The following NOS3 variants were observed in gnomAD, a reference collection of about 807,000 sequenced individuals.
The protein encoded by NOS3 is nitric oxide synthase 3.
NOS3 carries 98 observed loss-of-function variants against 144.9 expected under a neutral mutation model. The observed-to-expected ratio is 0.68, with a 90% CI of 0.57 to 0.80. NOS3 has a LOEUF of 0.80. Among genes scored for constraint, NOS3 ranks in the 30% least tolerant of loss-of-function variants. NOS3 has a pLI of 0.00. For synonymous variants in NOS3, 714 were observed against 702.4 expected, an observed-to-expected ratio of 1.02 and a Z score of -0.26; for missense variants, 1,465 against 1,656.4, an observed-to-expected ratio of 0.88 and a Z score of 2.01.
chr7:151,001,569 C>G lies in NOS3; in HGVS notation c.1454C>G (p.Ala485Gly). 2.5e-6 allele frequency: 4 copies of G among 1,614,014 alleles called. No individual in the cohort carries two copies. The highest frequency in any genetic ancestry group is 3.4e-6 in the Non-Finnish European group (4 of 1,180,010). ...CCAGACCCCTGGAAGGGGAGTGCCG[C>G]CAAGGGCACCGGCATCACCAGGAAG... Reference protein sequence around the residue: ...YQPDPWKGSAAKGTGITRKKT... With the variant: ...YQPDPWKGSAGKGTGITRKKT... Residue 485 changes from alanine (A) to glycine (G), a missense_variant, in exon 12 of 27, where the codon GCC becomes GGC. Transcript: ENST00000297494.
In NOS3 at chr7:151,009,482, G is replaced by T. The variant is rs746131743; in HGVS notation, c.2409G>T (p.Pro803=). ...CGGGGGACCACATAGGTGTCTGCCC[G>T]CCCAACCGGCCCGGCCTTGTGGAGG... is the stretch of plus-strand genomic sequence containing the variant. ...YQPGDHIGVC[P]PNRPGLVEAL... The change falls in exon 20 of 27, where the codon CCG becomes CCT. Residue 803 remains proline, a synonymous_variant. Coordinates refer to ENST00000297494, the MANE Select transcript of NOS3 (RefSeq NM_000603.5). The T allele has an allele frequency of 1.3e-6, 2 of 1,548,128 alleles. No homozygotes were observed. Among genetic ancestry groups the T allele is most frequent in the Non-Finnish European group, 1.7e-6 (2 of 1,146,724 alleles).
chr7:151,001,572 A>G lies in NOS3; in HGVS notation c.1457A>G (p.Lys486Arg), dbSNP rs1212951630. 1.2e-6 allele frequency: 2 copies of G among 1,613,890 alleles called. No individual in the cohort carries two copies. The highest frequency in any genetic ancestry group is 1.7e-6 in the Non-Finnish European group (2 of 1,180,024). ...QPDPWKGSAA[K>R]GTGITRKKTF... Reference sequence around the variant, plus strand: ...GACCCCTGGAAGGGGAGTGCCGCCAAGGGCACCGGCATCACCAGGAAGAAG... The same window carrying G: ...GACCCCTGGAAGGGGAGTGCCGCCAGGGGCACCGGCATCACCAGGAAGAAG... The change falls in exon 12 of 27, where the codon AAG becomes AGG. Residue 486 changes from lysine to arginine, a missense_variant. Around this residue, in one of 5 missense-constraint regions of NOS3, gnomAD observed 745 missense variants for 853.9 expected, o/e 0.87. Transcript: ENST00000297494.
chr7:150,996,472 C>T lies in NOS3; in HGVS notation c.339C>T (p.Pro113=), dbSNP rs1231949719. The change falls in exon 4 of 27, where the codon CCC becomes CCT. Residue 113 remains proline (P), a synonymous_variant. Coordinates refer to ENST00000297494, the MANE Select transcript of NOS3 (RefSeq NM_000603.5). ...LVFPRKLQGR[P]SPGPPAPEQL... ...TTCCACGGAAACTACAGGGCCGGCC[C>T]TCCCCCGGCCCCCCGGCCCCTGAGC... 5 of 1,593,768 alleles carry T rather than the reference C, an allele frequency of 3.1e-6. No homozygotes were observed. Among genetic ancestry groups the T allele is most frequent in the Non-Finnish European group, 4.3e-6 (5 of 1,170,940 alleles).
chr7:151,010,108 TC>T lies in NOS3; in HGVS notation c.2513-3del. 6.3e-7 allele frequency: 1 copy of T among 1,575,638 alleles called. No individual in the cohort carries two copies. Among genetic ancestry groups the T allele is most frequent in the Non-Finnish European group, 8.7e-7 (1 of 1,149,232 alleles). On this transcript the variant is annotated splice_region_variant and splice_polypyrimidine_tract_variant and intron_variant, in intron 20 of 26. Coordinates refer to ENST00000297494, the MANE Select transcript of NOS3 (RefSeq NM_000603.5). The stretch of plus-strand genomic sequence containing the variant: ...TGTCCTCAGAGCTCCCTGTGCACTA[TC>T]CCCAGGTGGCCCTCCCCCCGGCTGG...
rs1410459391 is a variant in NOS3 at position 150,999,839 on chromosome 7, G to T, written c.1131+475G>T. Among the ~76,000 whole-genome samples, 15 of 134,848 alleles carry T rather than the reference G, an allele frequency of 1.1e-4. No individual in the cohort carries two copies. The East Asian group carries it at 3.3e-3, about 30-fold the overall frequency. 88.5% of individuals were successfully genotyped at this position (134,848 alleles called of 152,430 possible). On this transcript the variant is annotated intron_variant, in intron 9 of 26. Coordinates refer to ENST00000297494, the MANE Select transcript of NOS3 (RefSeq NM_000603.5). Reference sequence around the variant, plus strand: ...GTGTGGGTTTGTGGGGTGTGTAGGGGTGAGTGTGTGTGAGTTTGTAGGGGT... The same window carrying T: ...GTGTGGGTTTGTGGGGTGTGTAGGGTTGAGTGTGTGTGAGTTTGTAGGGGT...
intron 2 of NOS3, among the ~76,000 whole-genome samples, chr7:150,994,739 T>C (rs1000071234): frequency 6.6e-6 from 1 of 152,132 alleles, no homozygotes; most frequent in African/African-American, 2.4e-5. Context: ...CTGGTGGCTC[T>C]GGGAGGAAGT....
At chr7:151,007,033 C>T (rs755778857) in intron 16 of NOS3, 28 bp downstream of exon 16, 66 of 1,613,568 alleles carry the variant, frequency 4.1e-5, no homozygotes, top group Admixed American at 8.3e-5. Flanking sequence ...AGGGGTGCAA[C>T]GGGTGGGCAA....
chr7:151,011,752 CT>C, intron 23 of NOS3: 1 of 354,344 alleles, frequency 2.8e-6, no homozygotes. Flanking sequence ...TCTCGAGCTC[CT>C]GACCTCACGA....
At position 151,013,775 on chromosome 7, in the gene NOS3, G is replaced by C. The variant is rs765463421; in HGVS notation, c.3307G>C (p.Val1103Leu). The change falls in exon 26 of 27, where the codon GTG (valine) becomes CTG (leucine). Residue 1103 changes from valine to leucine, a missense_variant. Around this residue, in one of 5 missense-constraint regions of NOS3, gnomAD observed 228 missense variants for 227.7 expected, o/e 1.00. Transcript: ENST00000297494. ...GGAGCTGGCTGCGGAGGTGCACCGC[G>C]TGCTGTGCCTCGAGCGGGGCCACAT... ...RTELAAEVHR[V>L]LCLERGHMFV... The C allele has an allele frequency of 2.5e-5, 40 of 1,611,524 alleles. No individual in the cohort carries two copies. Among genetic ancestry groups the C allele is most frequent in the Middle Eastern group, 1.6e-4 (1 of 6,078 alleles).
Position 151,010,724 on chromosome 7 carries a change from G to C in NOS3, c.2813G>C (p.Arg938Pro). The C allele has an allele frequency of 6.2e-7, 1 of 1,613,156 alleles. No homozygotes were observed. The highest frequency in any genetic ancestry group is 8.5e-7 in the Non-Finnish European group (1 of 1,179,646). Reference sequence around the variant, plus strand: ...ACCCAGCTGCCTCTGCTCCAGCCCCGGTACTACTCAGTCAGCTCGGCACCC... The same window carrying C: ...ACCCAGCTGCCTCTGCTCCAGCCCCCGTACTACTCAGTCAGCTCGGCACCC... ...LLTQLPLLQP[R>P]YYSVSSAPST... Residue 938 changes from arginine (R) to proline (P), a missense_variant, in exon 22 of 27, where the codon CGG (arginine) becomes CCG (proline). Physicochemically the swap from Arg to Pro is moderately radical, Grantham distance 103. Transcript: ENST00000297494.
Position 151,013,864 on chromosome 7 carries a change from G to A in NOS3, c.3396G>A (p.Ala1132=), listed in dbSNP as rs549731181. The part of the protein sequence containing the change: ...NVLQTVQRIL[A]TEGDMELDEA... ...TGCAGACCGTGCAGCGCATCCTGGC[G>A]ACGGAGGGCGACATGGAGCTGGACG... The change falls in exon 26 of 27, where the codon GCG becomes GCA. Residue 1132 remains alanine, a synonymous_variant. Transcript: ENST00000297494. 4.4e-6 allele frequency: 7 copies of A among 1,603,160 alleles called. No homozygotes were observed. Among genetic ancestry groups the A allele is most frequent in the Admixed American group, 1.7e-5 (1 of 58,336 alleles).
chr7:150,999,392 C>T (rs749897441), intron 9 of NOS3, 28 bp downstream of exon 9: 19 of 1,536,066 alleles, frequency 1.2e-5, no homozygotes, highest in African/African-American at 2.8e-5. Context: ...GCTCGGGCAC[C>T]GAATGCACCT....
At chr7:151,011,012 G>C in intron 23 of NOS3, 26 bp downstream of exon 23, 3 of 1,565,394 alleles carry the variant, frequency 1.9e-6, no homozygotes, top group Non-Finnish European at 2.6e-6. Flanking sequence ...GACTTGGTGG[G>C]GAGCTGCCCA....
Position 151,010,131 on chromosome 7 carries a change from C to G in NOS3, c.2529C>G (p.Gly843=). The G allele has an allele frequency of 1.2e-6, 2 of 1,604,222 alleles. No individual in the cohort carries two copies. The highest frequency in any genetic ancestry group is 1.7e-6 in the Non-Finnish European group (2 of 1,174,930). The change falls in exon 21 of 27, where the codon GGC becomes GGG. Residue 843 remains glycine, a synonymous_variant. Coordinates refer to ENST00000297494, the MANE Select transcript of NOS3 (RefSeq NM_000603.5). ...TATCCCCAGGTGGCCCTCCCCCCGG[C>G]TGGGTGCGGGACCCCCGGCTGCCCC... ...EKGSPGGPPP[G]WVRDPRLPPC...
In NOS3 at chr7:151,003,745, C is replaced by T. The variant is rs1228057567; in HGVS notation, c.1752+1441C>T. 6 of 477,446 alleles carry T rather than the reference C, an allele frequency of 1.3e-5. No homozygotes were observed. The highest frequency in any genetic ancestry group is 2.2e-5 in the Non-Finnish European group (5 of 232,542). 29.6% of individuals were successfully genotyped at this position (477,446 alleles called of 1,614,324 possible). A position where few individuals can be genotyped will look rare whatever the true frequency, so the allele number is the denominator to read the frequency against. On this transcript the variant is annotated intron_variant, in intron 14 of 26. Transcript: ENST00000297494. The surrounding 1 kb of genome is among the most constrained non-coding windows in gnomAD (Gnocchi z 4.1). ...TAGATGGAAGCACGCAGTGTTGCGGCGTCTCCTGCTGAGGCTGTTTTTGAG... is the reference window on the plus strand; with the variant it reads ...TAGATGGAAGCACGCAGTGTTGCGGTGTCTCCTGCTGAGGCTGTTTTTGAG...
chr7:151,011,028 A>G (rs776587571), intron 23 of NOS3, 42 bp downstream of exon 23: 48 of 1,447,324 alleles, frequency 3.3e-5, no homozygotes, highest in Non-Finnish European at 4.2e-5. Context: ...GCCCAGGGTC[A>G]GGGTGGCAGC....
intron 17 of NOS3, 35 bp from the exon 18 acceptor site, chr7:151,008,895 G>A (rs1346414128): frequency 1.9e-6 from 3 of 1,571,564 alleles, no homozygotes; most frequent in Non-Finnish European, 2.6e-6. Flanking sequence ...CCCTGGTGGC[G>A]GGAGGTCCTC....
rs746738157 is a variant in NOS3, at chr7:150,995,225, C to T, written c.181C>T (p.Gln61Ter). 1.9e-6 allele frequency: 3 copies of T among 1,610,030 alleles called. No individual in the cohort carries two copies. The highest frequency in any genetic ancestry group is 1.1e-5 in the South Asian group (1 of 90,994). ...CAGCCCCCCGAGCTCCCCGCTAACC[C>T]AGCCCCCAGAGGGGCCCAAGTTCCC... ...EHSPPSSPLT[Q>*]PPEGPKFPRV... The change falls in exon 3 of 27, where the codon CAG becomes TAG. Residue 61 changes from glutamine to a stop codon, truncating the protein, a stop_gained. Transcript: ENST00000297494. LOFTEE classifies it high-confidence loss of function.
rs1795167036 is a variant in NOS3, at chr7:151,003,922, T to C, written c.1752+1618T>C. On this transcript the variant is annotated intron_variant, in intron 14 of 26. Transcript: ENST00000297494. This position sits in a 1 kb window ranked among gnomAD's most constrained non-coding sequence, Gnocchi z 4.1. ...GGGGCTATTATGAATAAACCTGTTATGAACATTCTTGTACCCGGCTTTTGT... is the reference window on the plus strand; with the variant it reads ...GGGGCTATTATGAATAAACCTGTTACGAACATTCTTGTACCCGGCTTTTGT... The C allele has an allele frequency of 8.7e-6, 3 of 345,248 alleles. No homozygotes were observed. Among genetic ancestry groups the C allele is most frequent in the Non-Finnish European group, 1.7e-5 (3 of 176,086 alleles). The allele number at this position is 345,248 out of a possible 1,614,324, so 21.4% of individuals were successfully genotyped here. A position where few individuals can be genotyped will look rare whatever the true frequency, so the allele number is the denominator to read the frequency against.
Sources: allele counts gnomAD v4.1 joint callset (sites outside exome capture counted in the v4.1 genomes callset), GRCh38; gene constraint gnomAD v4.1.1; regional missense constraint gnomAD v4.1.1; non-coding constraint Gnocchi (gnomAD v3.1); transcripts MANE v1.5; gene names NCBI Gene and HGNC (gene_info 2026-07-23, HGNC 2026-07-21).